SBF2: variants seen among roughly 807,000 people sequenced by gnomAD.
SBF2 encodes myotubularin-related protein 13.
In SBF2, 112 loss-of-function variants were observed where a neutral mutation model predicts 225.2. The ratio of observed to expected loss-of-function variants is 0.50; its 90% CI spans 0.43 to 0.58. The LOEUF (loss-of-function observed/expected upper bound fraction) is 0.58, where lower values mean the gene tolerates loss of function less well. SBF2 is among the 20% of genes least tolerant of loss of function. The pLI is 0.00. For synonymous variants in SBF2, 763 were observed against 773.3 expected (o/e 0.99, Z 0.22); for missense variants, 1,996 against 2,206.2 (o/e 0.90, Z 1.91).
intron 16 of SBF2, among the ~76,000 whole-genome samples, chr11:9,934,361 G>A (rs537847344): frequency 1.3e-5 from 2 of 152,212 alleles, no homozygotes; most frequent in South Asian, 2.1e-4. Context: ...ATTCACAACC[G>A]AATTCTACCA....
intron 1 of SBF2, among the ~76,000 whole-genome samples, chr11:10,244,473 C>G (rs1959569561): frequency 6.6e-6 from 1 of 152,218 alleles, no homozygotes; most frequent in African/African-American, 2.4e-5. Context: ...CAACAGTCTA[C>G]AAGTCTGTTT....
At chr11:10,277,964 C>G (rs1290158741) in intron 1 of SBF2, among the ~76,000 whole-genome samples, 1 of 152,024 alleles carries the variant, frequency 6.6e-6, no homozygotes, top group Admixed American at 6.6e-5. Flanking sequence ...TATGGCAACC[C>G]CAAGAAACTA....
intron 13 of SBF2, among the ~76,000 whole-genome samples, chr11:9,989,052 A>ATATATATATATATATATATATATATATG (rs1347138364): frequency 2.5e-4 from 38 of 151,630 alleles, no homozygotes; most frequent in African/African-American, 8.9e-4. Flanking sequence ...ATATATATAT[A>ATATATATATATATATATATATATATATG]TATACATATG....
intron 2 of SBF2, among the ~76,000 whole-genome samples, chr11:10,192,327 C>T (rs1957205421): frequency 6.6e-6 from 1 of 152,162 alleles, no homozygotes. Flanking sequence ...GCTTTCTTTA[C>T]ATGGCTGAGT....
intron 34 of SBF2, among the ~76,000 whole-genome samples, chr11:9,790,219 A>G (rs1285860639): frequency 6.6e-6 from 1 of 152,214 alleles, no homozygotes; most frequent in Non-Finnish European, 1.5e-5. Context: ...AACCTTTTCT[A>G]AAGTATTTTA....
chr11:9,984,555 C>T (rs773541811), intron 13 of SBF2, among the ~76,000 whole-genome samples: 13 of 152,122 alleles, frequency 8.5e-5, no homozygotes, highest in African/African-American at 1.4e-4. Context: ...GAGACCTAGA[C>T]ATCCAAATAC....
chr11:9,876,472 A>T (rs941966131), intron 17 of SBF2, among the ~76,000 whole-genome samples: 1 of 152,136 alleles, frequency 6.6e-6, no homozygotes, highest in Non-Finnish European at 1.5e-5. Flanking sequence ...TGAGGCCCTG[A>T]TCCAACAGGA....
At chr11:9,842,883 T>G in intron 24 of SBF2, 113 bp from the exon 25 acceptor site, 1 of 1,000,832 alleles carries the variant, frequency 1.0e-6, no homozygotes, top group Non-Finnish European at 1.5e-6. Context: ...CCACTACTGG[T>G]CCAGACTCTT....
Position 9,858,239 on chromosome 11 carries a change from T to C in SBF2, c.2087A>G (p.His696Arg), listed in dbSNP as rs143314249. The change falls in exon 18 of 40, where the codon CAT (histidine) becomes CGT (arginine). Residue 696 changes from histidine to arginine, a missense_variant. His to Arg is a conservative substitution (Grantham distance 29, BLOSUM62 0). Coordinates refer to ENST00000256190, the MANE Select transcript of SBF2 (RefSeq NM_030962.4). ...CTTCTCTCTTACCTTTTGCTTCAGATGCGGGGCATGATTGTCTTCCTTGGC... is the reference window on the plus strand; with the variant it reads ...CTTCTCTCTTACCTTTTGCTTCAGACGCGGGGCATGATTGTCTTCCTTGGC... ...LSAKEDNHAP[H>R]LKQKDKLPDD... 1 of 1,614,068 alleles carries C rather than the reference T, an allele frequency of 6.2e-7. No individual in the cohort carries two copies. The highest frequency in any genetic ancestry group is 1.3e-5 in the African/African-American group (1 of 74,940).
chr11:9,842,492 G>A, intron 25 of SBF2, 133 bp downstream of exon 25: 1 of 830,764 alleles, frequency 1.2e-6, no homozygotes, highest in Non-Finnish European at 2.0e-6. Flanking sequence ...GTTCTAAGAA[G>A]CTGGTAAGTG....
At chr11:9,791,421 CAA>C (rs11343948) in intron 33 of SBF2, among the ~76,000 whole-genome samples, 59,488 of 125,536 alleles carry the variant, frequency 0.47, 14,835 homozygotes, top group Non-Finnish European at 0.6. Context: ...ACCAGTTTAT[CAA>C]AAAAAAAAAA....
At chr11:9,845,191 T>C (rs1405503664) in intron 24 of SBF2, among the ~76,000 whole-genome samples, 2 of 152,206 alleles carry the variant, frequency 1.3e-5, no homozygotes, top group East Asian at 1.9e-4. Flanking sequence ...ACAGAAAATA[T>C]AGCCTCCTGT....
At chr11:10,054,770 G>A (rs1398145780) in intron 2 of SBF2, among the ~76,000 whole-genome samples, 1 of 152,018 alleles carries the variant, frequency 6.6e-6, no homozygotes, top group East Asian at 1.9e-4. Flanking sequence ...TTTCTTAAAA[G>A]AAGATATACA....
At chr11:9,817,115 T>C in intron 28 of SBF2, 91 bp from the exon 29 acceptor site, 1 of 1,374,462 alleles carries the variant, frequency 7.3e-7, no homozygotes, top group East Asian at 2.3e-5. Flanking sequence ...AGCTACAGTT[T>C]TAGAGGTCAT....
At chr11:10,165,527 T>C (rs1955912487) in intron 2 of SBF2, among the ~76,000 whole-genome samples, 1 of 152,194 alleles carries the variant, frequency 6.6e-6, no homozygotes, top group South Asian at 2.1e-4. Flanking sequence ...GTCCAAAGAT[T>C]TGCCGAAGTT....
At chr11:9,993,172 G>T in intron 10 of SBF2, 69 bp from the exon 11 acceptor site, 3 of 1,119,196 alleles carry the variant, frequency 2.7e-6, no homozygotes, top group Non-Finnish European at 4.0e-6. Context: ...AAGTCAAAAA[G>T]GTGAAAAGGG....
intron 17 of SBF2, among the ~76,000 whole-genome samples, chr11:9,892,188 G>A (rs751327234): frequency 2.6e-5 from 4 of 151,848 alleles, no homozygotes; most frequent in Non-Finnish European, 4.4e-5. Flanking sequence ...GCGTGATCTC[G>A]GCTCACTGCA....
chr11:10,176,888 A>G (rs1265648601), intron 2 of SBF2, among the ~76,000 whole-genome samples: 1 of 152,190 alleles, frequency 6.6e-6, no homozygotes, highest in Admixed American at 6.5e-5. Context: ...GACACAACCA[A>G]AAAAGAAAAT....
At chr11:10,093,398 A>C (rs1310580350) in intron 2 of SBF2, among the ~76,000 whole-genome samples, 1 of 149,546 alleles carries the variant, frequency 6.7e-6, no homozygotes, top group Non-Finnish European at 1.5e-5. Flanking sequence ...AAAAAAAAAC[A>C]AAAAAAAATT....
Sources: allele counts gnomAD v4.1 joint callset (sites outside exome capture counted in the v4.1 genomes callset), GRCh38; gene constraint gnomAD v4.1.1; transcripts MANE v1.5; gene names NCBI Gene and HGNC (gene_info 2026-07-23, HGNC 2026-07-21).